The following OCIAD1 variants were observed in gnomAD, a reference collection of about 807,000 sequenced individuals.
OCIAD1 encodes the protein OCIA domain containing 1.
OCIAD1 carries 29 observed loss-of-function variants against 38.9 expected under a neutral mutation model. The ratio of observed to expected loss-of-function variants is 0.74; its 90% CI spans 0.55 to 1.02. The LOEUF is 1.02. OCIAD1 is among the 50% of genes least tolerant of loss of function. The pLI, the probability that OCIAD1 is intolerant of heterozygous loss-of-function variation, is 0.00. For synonymous variants in OCIAD1, 110 were observed against 92.0 expected, an observed-to-expected ratio of 1.20 and a Z score of -1.12; for missense variants, 288 against 289.6, an observed-to-expected ratio of 0.99 and a Z score of 0.04.
At chr4:48,823,975 ATTC>A (rs1448695708) in intron 1 of OCIAD1, among the ~76,000 whole-genome samples, 2 of 138,192 alleles carry the variant, frequency 1.4e-5, no homozygotes, top group African/African-American at 2.7e-5. Context: ...CTTTCTTTGA[ATTC>A]TTCTTTTGTT....
intron 1 of OCIAD1, among the ~76,000 whole-genome samples, chr4:48,814,786 C>T (rs200260973): frequency 6.6e-6 from 1 of 152,044 alleles, no homozygotes; most frequent in Admixed American, 6.6e-5. Context: ...CAAACCAAGT[C>T]CTGGATGCTG....
At chr4:48,805,823 T>C (rs1777018755) in intron 1 of OCIAD1, among the ~76,000 whole-genome samples, 1 of 152,190 alleles carries the variant, frequency 6.6e-6, no homozygotes, top group South Asian at 2.1e-4. Context: ...ATTTTAGGGG[T>C]ATATGAATTA....
At chr4:48,820,033 G>C (rs1777178698) in intron 1 of OCIAD1, among the ~76,000 whole-genome samples, 1 of 152,164 alleles carries the variant, frequency 6.6e-6, no homozygotes, top group African/African-American at 2.4e-5. Context: ...TGTGAATTCA[G>C]CTCTGGACCA....
At chr4:48,831,346 C>T (rs1190057778) in intron 1 of OCIAD1, 97 bp downstream of exon 1, 9 of 453,050 alleles carry the variant, frequency 2.0e-5, no homozygotes, top group African/African-American at 1.8e-4. Flanking sequence ...CCGCCATTTT[C>T]CTGCCTGTGA....
chr4:48,842,870 G>T (rs1778660404), intron 4 of OCIAD1, among the ~76,000 whole-genome samples, 181 bp downstream of exon 4: 1 of 152,050 alleles, frequency 6.6e-6, no homozygotes, highest in Admixed American at 6.6e-5. Context: ...ATCATGACTT[G>T]AGAATTTCTC....
At chr4:48,811,289 G>A (rs1777086804) in intron 1 of OCIAD1, among the ~76,000 whole-genome samples, 1 of 152,200 alleles carries the variant, frequency 6.6e-6, no homozygotes, top group South Asian at 2.1e-4. Context: ...AGTAGCCAGA[G>A]TGATCTTGTT....
At chr4:48,845,465 G>C (rs1778900956) in intron 4 of OCIAD1, among the ~76,000 whole-genome samples, 1 of 152,132 alleles carries the variant, frequency 6.6e-6, no homozygotes, top group Admixed American at 6.6e-5. Context: ...ATATTCCTAA[G>C]ATTTTTCTCC....
At chr4:48,820,992 T>C (rs1560408612) in intron 1 of OCIAD1, among the ~76,000 whole-genome samples, 1 of 152,186 alleles carries the variant, frequency 6.6e-6, no homozygotes, top group Non-Finnish European at 1.5e-5. Context: ...CTGGTACCAT[T>C]CGTTCTGAAA....
intron 4 of OCIAD1, among the ~76,000 whole-genome samples, chr4:48,843,707 AAACAACAAC>A (rs111373676): frequency 3.9e-5 from 6 of 152,046 alleles, no homozygotes; most frequent in Admixed American, 2.6e-4. Flanking sequence ...CTGTATTGTG[AAACAACAAC>A]AACAACAACA....
chr4:48,859,501 T>C (rs1780410125), intron 8 of OCIAD1, among the ~76,000 whole-genome samples: 1 of 152,232 alleles, frequency 6.6e-6, no homozygotes, highest in Non-Finnish European at 1.5e-5. Context: ...TTTAGGCTTC[T>C]ATGGTAATAG....
At chr4:48,816,176 C>T (rs935762274) in intron 1 of OCIAD1, among the ~76,000 whole-genome samples, 4 of 152,194 alleles carry the variant, frequency 2.6e-5, no homozygotes, top group Non-Finnish European at 5.9e-5. Flanking sequence ...GTGCATTTCT[C>T]GCTCTCTCTC....
chr4:48,853,062 G>T lies in OCIAD1; in HGVS notation c.547+1087G>T, dbSNP rs548593666. Among the ~76,000 whole-genome samples the T allele has an allele frequency of 1.1e-4, 16 of 151,886 alleles. No individual in the cohort carries two copies. In the South Asian group the frequency reaches 3.3e-3, roughly 32 times the overall value. ...GCTCGGCTAATTTTTTGTATTTTTA[G>T]TAGAGATGGGGTTTCACTGTGTTGG... On this transcript the variant is annotated intron_variant, in intron 7 of 8. Transcript: ENST00000264312.
intron 1 of OCIAD1, among the ~76,000 whole-genome samples, chr4:48,814,322 G>A (rs1274790395): frequency 1.4e-5 from 2 of 147,238 alleles, no homozygotes; most frequent in African/African-American, 5.1e-5. Context: ...TATTCAGAAA[G>A]CCTTTTTTTT....
In OCIAD1 at chr4:48,812,187, G is replaced by C. The variant is rs1333778338; in HGVS notation, c.-103+6857G>C. Among the ~76,000 whole-genome samples, 3 of 144,666 alleles carry C rather than the reference G, an allele frequency of 2.1e-5. No homozygotes were observed. In the Admixed American group the frequency reaches 2.1e-4, roughly 10 times the overall value. The allele number at this position is 144,666 out of a possible 152,430, so 94.9% of individuals were successfully genotyped here. On this transcript the variant is annotated intron_variant, in intron 1 of 6. Transcript: ENST00000504654. ...ATTCCCAGCTACTTGGGAGGCTGAG[G>C]CAGGAGAATAGCTTGAACCCAGGAG...
upstream of OCIAD1, among the ~76,000 whole-genome samples, chr4:48,829,816 A>C (rs1777338456): frequency 6.6e-6 from 1 of 152,252 alleles, no homozygotes; most frequent in Admixed American, 6.5e-5. Context: ...ATAAAGACTT[A>C]CAAGCCAACA....
intron 1 of OCIAD1, among the ~76,000 whole-genome samples, chr4:48,824,033 C>T (rs1222686182): frequency 6.6e-6 from 1 of 151,252 alleles, no homozygotes; most frequent in Non-Finnish European, 1.5e-5. Context: ...GGCTGGAGTG[C>T]AGTGGCATGA....
chr4:48,841,530 G>A (rs1420513926), intron 3 of OCIAD1, among the ~76,000 whole-genome samples: 4 of 152,090 alleles, frequency 2.6e-5, no homozygotes, highest in Admixed American at 1.3e-4. Context: ...TTTATTGGGG[G>A]CTGGTCACTT....
At chr4:48,849,762 GACTCT>G (rs1779267059) in intron 5 of OCIAD1, among the ~76,000 whole-genome samples, 180 bp from the exon 6 acceptor site, 1 of 152,000 alleles carries the variant, frequency 6.6e-6, no homozygotes, top group Non-Finnish European at 1.5e-5. Flanking sequence ...TATATCCATA[GACTCT>G]GTATATGAAC....
chr4:48,841,910 G>A (rs765443755), intron 3 of OCIAD1, among the ~76,000 whole-genome samples: 3 of 152,144 alleles, frequency 2.0e-5, no homozygotes, highest in Non-Finnish European at 4.4e-5. Context: ...TAGTTTAGAA[G>A]AAAGAACATA....
Sources: allele counts gnomAD v4.1 joint callset (sites outside exome capture counted in the v4.1 genomes callset), GRCh38; gene constraint gnomAD v4.1.1; transcripts MANE v1.5; gene names NCBI Gene and HGNC (gene_info 2026-07-23, HGNC 2026-07-21).